Variants in FGFR2 observed in about 807,000 individuals in gnomAD.
FGFR2 encodes BEK fibroblast growth factor receptor.
A neutral mutation model predicts 95.9 loss-of-function variants in FGFR2; 19 were observed. That is an observed-to-expected ratio of 0.20 (90% CI 0.14 to 0.29). FGFR2 has a LOEUF of 0.29. FGFR2 is among the 10% of genes least tolerant of loss of function. The probability of loss-of-function intolerance (pLI) is 1.00; values close to 1 mark genes in which losing one functional copy is unlikely to be tolerated. For synonymous variants in FGFR2, 392 were observed against 393.3 expected (o/e 1.00, Z 0.04); for missense variants, 707 against 1,056.9 (o/e 0.67, Z 4.59).
At chr10:121,507,130 A>G (rs573001495) in intron 9 of FGFR2, among the ~76,000 whole-genome samples, 1 of 152,310 alleles carries the variant, frequency 6.6e-6, no homozygotes, top group East Asian at 1.9e-4. Context: ...ATCATTCACA[A>G]CATGAGGCCC....
intron 6 of FGFR2, among the ~76,000 whole-genome samples, chr10:121,537,559 C>G (rs1025664781): frequency 2.0e-5 from 3 of 152,176 alleles, no homozygotes; most frequent in African/African-American, 7.2e-5. Flanking sequence ...ACTAGGCACA[C>G]ACGCACAGGC....
chr10:121,560,615 CAAAAAAAAAAAA>C lies in FGFR2; in HGVS notation c.454+3875_454+3886del, dbSNP rs34753296. 1.2e-4 allele frequency among the ~76,000 whole-genome samples: 6 copies of C among 51,794 alleles called. 1 individual carries two copies. Among genetic ancestry groups the C allele is most frequent in the Non-Finnish European group, 7.2e-5 (2 of 27,878 alleles). The allele number at this position is 51,794 out of a possible 152,430, so 34.0% of individuals were successfully genotyped here. A position where few individuals can be genotyped will look rare whatever the true frequency, so the allele number is the denominator to read the frequency against. ...GGGCAACAGAGCAAGACTCCGTCCC[CAAAAAAAAAAAA>C]AAAAAAAAAAAAAAGAGGCGAGTGA... On this transcript the variant is annotated intron_variant, in intron 4 of 17. Transcript: ENST00000358487.
intron 5 of FGFR2, among the ~76,000 whole-genome samples, chr10:121,545,779 C>G (rs1854409698): frequency 6.6e-6 from 1 of 152,148 alleles, no homozygotes; most frequent in African/African-American, 2.4e-5. Flanking sequence ...ACCTATGCTT[C>G]AAAACAACCA....
chr10:121,499,341 TA>T (rs369574977), intron 11 of FGFR2, among the ~76,000 whole-genome samples: 1,603 of 150,018 alleles, frequency 0.011, 34 homozygotes, highest in African/African-American at 0.037. Flanking sequence ...GGGTTTCCTT[TA>T]AAAAAAAAAT....
chr10:121,567,300 T>C (rs183483009), intron 2 of FGFR2, among the ~76,000 whole-genome samples: 12 of 152,118 alleles, frequency 7.9e-5, no homozygotes, highest in Non-Finnish European at 1.6e-4. Flanking sequence ...AAGGCATGCA[T>C]GCCAAGCCCC....
Position 121,515,192 on chromosome 10 carries a change from G to A in FGFR2, c.1212C>T (p.Thr404=), listed in dbSNP as rs562297920. 3 of 1,614,162 alleles carry A rather than the reference G, an allele frequency of 1.9e-6. No homozygotes were observed. The highest frequency in any genetic ancestry group is 2.5e-6 in the Non-Finnish European group (3 of 1,180,036). The change falls in exon 9 of 18, where the codon ACC becomes ACT. Residue 404 remains threonine, a synonymous_variant. Transcript: ENST00000358487. The part of the protein sequence containing the change: ...TVILCRMKNT[T]KKPDFSSQPA... ...GCTGGCTGCTGAAGTCTGGCTTCTT[G>A]GTCGTGTTCTTCATTCGGCACAGGA...
chr10:121,533,291 G>A (rs770181307), intron 6 of FGFR2, among the ~76,000 whole-genome samples: 5 of 152,226 alleles, frequency 3.3e-5, no homozygotes, highest in Non-Finnish European at 7.3e-5. Flanking sequence ...TCAGGAGACA[G>A]AGGCAGGAGA....
intron 9 of FGFR2, among the ~76,000 whole-genome samples, chr10:121,511,209 T>C (rs893806617): frequency 6.6e-6 from 1 of 151,782 alleles, no homozygotes; most frequent in East Asian, 1.9e-4. Context: ...CAGCCTCTTG[T>C]ACCATGCTGA....
chr10:121,500,810 C>T lies in FGFR2; in HGVS notation c.1561+16G>A, dbSNP rs2134004268. ...TCCACCCAGCCCCTCCCCGAGCCTC[C>T]CGCCTCCCCGCTCACCTTTCAACAT... On this transcript the variant is annotated intron_variant, in intron 11 of 17. Coordinates refer to ENST00000358487, the MANE Select transcript of FGFR2 (RefSeq NM_000141.5). 6.2e-7 allele frequency: 1 copy of T among 1,613,530 alleles called. No homozygotes were observed. Among genetic ancestry groups the T allele is most frequent in the Non-Finnish European group, 8.5e-7 (1 of 1,180,018 alleles).
intron 4 of FGFR2, among the ~76,000 whole-genome samples, chr10:121,563,163 C>T (rs749380252): frequency 3.3e-5 from 5 of 152,172 alleles, no homozygotes; most frequent in Non-Finnish European, 7.3e-5. Context: ...ATCACAAGGT[C>T]AAGAGTTCGA....
chr10:121,562,575 G>A (rs1454171516), intron 4 of FGFR2, among the ~76,000 whole-genome samples: 3 of 152,062 alleles, frequency 2.0e-5, no homozygotes, highest in Admixed American at 6.5e-5. Flanking sequence ...CGTGAGCAAC[G>A]GTGCCCAGCC....
intron 13 of FGFR2, among the ~76,000 whole-genome samples, chr10:121,488,540 C>CAAA (rs60596436): frequency 9.7e-6 from 1 of 103,084 alleles, no homozygotes; most frequent in Non-Finnish European, 2.0e-5. Context: ...GACTCTGTCT[C>CAAA]AAAAAAAAAA....
At chr10:121,512,052 A>G (rs1849119980) in intron 9 of FGFR2, among the ~76,000 whole-genome samples, 1 of 152,180 alleles carries the variant, frequency 6.6e-6, no homozygotes, top group African/African-American at 2.4e-5. Context: ...AGAGGGAAAG[A>G]GTCAGGGCCA....
chr10:121,503,998 A>C (rs2134068605), intron 9 of FGFR2, 57 bp from the exon 10 acceptor site: 1 of 1,603,936 alleles, frequency 6.2e-7, no homozygotes, highest in Non-Finnish European at 8.5e-7. Flanking sequence ...AGAAGGCTGG[A>C]AGTCAGCCAG....
chr10:121,494,395 G>C (rs1176441875), intron 13 of FGFR2, among the ~76,000 whole-genome samples: 1 of 152,060 alleles, frequency 6.6e-6, no homozygotes, highest in Non-Finnish European at 1.5e-5. Flanking sequence ...GGTGCTCTAG[G>C]AGTAGATGTT....
chr10:121,557,623 T>C (rs1183603001), intron 4 of FGFR2, among the ~76,000 whole-genome samples: 1 of 152,174 alleles, frequency 6.6e-6, no homozygotes, highest in Non-Finnish European at 1.5e-5. Context: ...AACTTATTGA[T>C]GATGTTTTCA....
chr10:121,546,574 T>C (rs1295188002), intron 5 of FGFR2, among the ~76,000 whole-genome samples: 1 of 152,224 alleles, frequency 6.6e-6, no homozygotes, highest in African/African-American at 2.4e-5. Context: ...GAATTCCAAA[T>C]AGTTCTATTG....
chr10:121,524,543 C>T (rs1459118923), intron 6 of FGFR2, among the ~76,000 whole-genome samples: 1 of 152,194 alleles, frequency 6.6e-6, no homozygotes, highest in Non-Finnish European at 1.5e-5. Flanking sequence ...GAAAAGGGCC[C>T]AGGATGCCAG....
At chr10:121,558,558 G>A (rs1035339629) in intron 4 of FGFR2, among the ~76,000 whole-genome samples, 2 of 152,052 alleles carry the variant, frequency 1.3e-5, no homozygotes, top group Non-Finnish European at 2.9e-5. Flanking sequence ...ATCAGCCCAT[G>A]GCTGGGTTTT....
Sources: allele counts gnomAD v4.1 joint callset (sites outside exome capture counted in the v4.1 genomes callset), GRCh38; gene constraint gnomAD v4.1.1; transcripts MANE v1.5; gene names NCBI Gene and HGNC (gene_info 2026-07-23, HGNC 2026-07-21).